ABCB7: variants seen among roughly 807,000 people sequenced by gnomAD.
ABCB7 encodes iron-sulfur clusters transporter ABCB7, mitochondrial.
Under a neutral mutation model 54.4 loss-of-function variants are expected in ABCB7, and 7 were observed. The observed-to-expected ratio is 0.13, with a 90% confidence interval of 0.07 to 0.24. ABCB7 has a LOEUF of 0.24. ABCB7 is among the 10% of genes least tolerant of loss of function. ABCB7 has a pLI of 1.00. For synonymous variants in ABCB7, 218 were observed against 207.1 expected, an observed-to-expected ratio of 1.05 and a Z score of -0.45; for missense variants, 356 against 570.4, an observed-to-expected ratio of 0.62 and a Z score of 3.83.
chrX:75,055,953 C>G (rs975565373), intron 15 of ABCB7, among the ~76,000 whole-genome samples: 2 of 110,393 alleles, frequency 1.8e-5, no homozygotes, highest in African/African-American at 6.6e-5. Flanking sequence ...TCCCAAAGTG[C>G]TGTTATTACC....
intron 5 of ABCB7, among the ~76,000 whole-genome samples, chrX:75,076,034 T>A (rs2081406515): frequency 9.0e-6 from 1 of 111,667 alleles, no homozygotes; most frequent in Non-Finnish European, 1.9e-5. Flanking sequence ...CCCCTACTAA[T>A]GTCTCCCAAA....
At chrX:75,128,254 T>C (rs1269645147) in intron 1 of ABCB7, among the ~76,000 whole-genome samples, 1 of 111,253 alleles carries the variant, frequency 9.0e-6, no homozygotes, top group Non-Finnish European at 1.9e-5. Flanking sequence ...AACAGATATA[T>C]AGACCAATGG....
chrX:75,098,542 C>T (rs779651079), intron 4 of ABCB7, among the ~76,000 whole-genome samples: 18 of 110,691 alleles, frequency 1.6e-4, no homozygotes, highest in African/African-American at 5.9e-4. Context: ...TTGCTTATTA[C>T]TTATGGCTAT....
At chrX:75,063,430 A>T (rs1026157732) in intron 13 of ABCB7, among the ~76,000 whole-genome samples, 1 of 111,197 alleles carries the variant, frequency 9.0e-6, no homozygotes, top group African/African-American at 3.3e-5. Context: ...GGTACATTAA[A>T]TATTTTTATT....
chrX:75,132,743 C>T (rs191486021), intron 1 of ABCB7, among the ~76,000 whole-genome samples: 2 of 112,630 alleles, frequency 1.8e-5, no homozygotes, highest in East Asian at 5.6e-4. Flanking sequence ...AAATACCTTG[C>T]TAAAATACTC....
rs1055637886 is a variant in ABCB7 at position 75,053,186 on chromosome X, A to G, written c.*184T>C. On this transcript the variant is annotated 3_prime_UTR_variant, in exon 16 of 16. Transcript: ENST00000373394. The stretch of plus-strand genomic sequence containing the variant: ...ACAGTGACAAGAAAATAATTTGGGG[A>G]TAAATACAGATGCCACATTAAATAG... 5 of 610,733 alleles carry G rather than the reference A, an allele frequency of 8.2e-6. No individual in the cohort carries two copies. In the African/African-American group the frequency reaches 1.1e-4, roughly 14 times the overall value. 50.3% of individuals were successfully genotyped at this position (610,733 alleles called of 1,213,427 possible). A position where few individuals can be genotyped will look rare whatever the true frequency, so the allele number is the denominator to read the frequency against.
At position 75,062,324 on chromosome X, in the gene ABCB7, T is replaced by C. The variant is rs757967930; in HGVS notation, c.1935+4A>G. The C allele has an allele frequency of 1.3e-5, 16 of 1,195,367 alleles. No homozygotes were observed. In the East Asian group the frequency reaches 1.8e-4, roughly 13 times the overall value. On this transcript the variant is annotated splice_donor_region_variant and intron_variant, in intron 14 of 15. Transcript: ENST00000373394. ...AAGAGCTTTATATTTTAATCATAACTTACCTCTTCAGTAATCGAATCTAAC... is the reference window on the plus strand; with the variant it reads ...AAGAGCTTTATATTTTAATCATAACCTACCTCTTCAGTAATCGAATCTAAC...
At chrX:75,153,089 T>G (rs2147588138) in intron 1 of ABCB7, among the ~76,000 whole-genome samples, 1 of 110,183 alleles carries the variant, frequency 9.1e-6, no homozygotes, top group East Asian at 2.9e-4. Flanking sequence ...TTTGTTTGCT[T>G]GTTTTTGAGA....
intron 4 of ABCB7, among the ~76,000 whole-genome samples, chrX:75,084,450 A>G (rs2081480282): frequency 8.9e-6 from 1 of 111,900 alleles, no homozygotes; most frequent in African/African-American, 3.3e-5. Context: ...TTCAAACTGT[A>G]GCACTTTAGT....
chrX:75,104,047 G>GTTTTTTTGTT (rs2081663659), intron 3 of ABCB7, among the ~76,000 whole-genome samples: 3 of 13,446 alleles, frequency 2.2e-4, no homozygotes, highest in African/African-American at 4.8e-4. Context: ...TCTTGTTACA[G>GTTTTTTTGTT]TTTTTTTTTT....
At chrX:75,061,974 A>T (rs1360468627) in intron 14 of ABCB7, among the ~76,000 whole-genome samples, 1 of 112,469 alleles carries the variant, frequency 8.9e-6, no homozygotes, top group Non-Finnish European at 1.9e-5. Flanking sequence ...TATTTTAATG[A>T]GTGTTAAGTG....
chrX:75,068,143 T>C (rs1398143886), intron 12 of ABCB7, among the ~76,000 whole-genome samples: 1 of 110,718 alleles, frequency 9.0e-6, no homozygotes, highest in Non-Finnish European at 1.9e-5. Context: ...GGATTTTCAG[T>C]GAAAAAGAGG....
intron 15 of ABCB7, among the ~76,000 whole-genome samples, chrX:75,055,639 G>A (rs1465061584): frequency 9.7e-6 from 1 of 103,297 alleles, no homozygotes; most frequent in Non-Finnish European, 1.9e-5. Flanking sequence ...TTAACATACA[G>A]TCCATATTCA....
At chrX:75,129,862 T>A (rs900401142) in intron 1 of ABCB7, among the ~76,000 whole-genome samples, 2 of 111,404 alleles carry the variant, frequency 1.8e-5, no homozygotes, top group South Asian at 7.6e-4. Flanking sequence ...CAACAGTGGC[T>A]ACCACTCACT....
At chrX:75,077,655 T>TCA (rs1370395476) in intron 4 of ABCB7, among the ~76,000 whole-genome samples, 22 of 112,026 alleles carry the variant, frequency 2.0e-4, no homozygotes, top group African/African-American at 6.8e-4. Context: ...ATAGAAGCTA[T>TCA]GTAACTCTTA....
chrX:75,137,975 T>G (rs1275573438), intron 1 of ABCB7, among the ~76,000 whole-genome samples: 3 of 111,284 alleles, frequency 2.7e-5, no homozygotes, highest in Non-Finnish European at 3.8e-5. Flanking sequence ...CCCTATGGCA[T>G]GCAGTTTATC....
intron 4 of ABCB7, among the ~76,000 whole-genome samples, chrX:75,081,089 A>T (rs1480882721): frequency 8.9e-6 from 1 of 111,970 alleles, no homozygotes; most frequent in Non-Finnish European, 1.9e-5. Flanking sequence ...GTGACACAGG[A>T]GGCCTGCTAA....
At chrX:75,131,130 T>C (rs1048637275) in intron 1 of ABCB7, among the ~76,000 whole-genome samples, 1 of 108,485 alleles carries the variant, frequency 9.2e-6, no homozygotes, top group African/African-American at 3.4e-5. Context: ...AATGGGGACA[T>C]AGAAAAAATA....
chrX:75,071,713 A>G (rs1315657658), intron 8 of ABCB7, 30 bp from the exon 9 acceptor site: 2 of 983,289 alleles, frequency 2.0e-6, no homozygotes, highest in Admixed American at 5.3e-5. Context: ...AACTATAGGC[A>G]AGTATAATTA....
Sources: gnomAD v4.1 joint callset for allele counts (sites outside exome capture counted in the v4.1 genomes callset) on GRCh38, gnomAD v4.1.1 for gene constraint, MANE v1.5 for transcripts, NCBI Gene and HGNC (gene_info 2026-07-23, HGNC 2026-07-21) for gene names.